SAP30BP: variants seen among roughly 807,000 people sequenced by gnomAD.
SAP30BP encodes SAP30-binding protein.
A neutral mutation model predicts 46.3 loss-of-function variants in SAP30BP; 31 were observed. The ratio of observed to expected loss-of-function variants is 0.67; its 90% CI spans 0.50 to 0.90. The LOEUF (loss-of-function observed/expected upper bound fraction) is 0.90. Among genes scored for constraint, SAP30BP ranks in the 40% least tolerant of loss-of-function variants. The pLI is 0.00. For synonymous variants in SAP30BP, 169 were observed against 144.2 expected, an observed-to-expected ratio of 1.17 and a Z score of -1.23; for missense variants, 312 against 391.0, an observed-to-expected ratio of 0.80 and a Z score of 1.70.
At chr17:75,705,095 T>C (rs1352761037) in intron 9 of SAP30BP, 5 of 430,390 alleles carry the variant, frequency 1.2e-5, no homozygotes, top group African/African-American at 4.0e-5. Context: ...TTTTGGGTCA[T>C]GGGGGCCCTT....
intron 3 of SAP30BP, among the ~76,000 whole-genome samples, chr17:75,686,921 G>A (rs183868907): frequency 1.1e-4 from 17 of 152,308 alleles, no homozygotes. Context: ...GGAACTTGGA[G>A]GTATTTTATA....
At chr17:75,701,765 T>C (rs145689281) in intron 5 of SAP30BP, among the ~76,000 whole-genome samples, 25 of 152,314 alleles carry the variant, frequency 1.6e-4, no homozygotes, top group African/African-American at 5.3e-4. Flanking sequence ...CATGTTAAAA[T>C]TGAAAACCAG....
chr17:75,704,682 G>A, intron 8 of SAP30BP, 74 bp from the exon 9 acceptor site: 2 of 1,104,990 alleles, frequency 1.8e-6, no homozygotes, highest in Non-Finnish European at 2.8e-6. Context: ...AAAGAACGCA[G>A]GGATCAGAGT....
intron 2 of SAP30BP, among the ~76,000 whole-genome samples, chr17:75,669,535 T>C (rs1291154849): frequency 2.0e-5 from 3 of 151,802 alleles, no homozygotes; most frequent in African/African-American, 7.3e-5. Flanking sequence ...GAGCCACTGC[T>C]CCTGGCCGAT....
intron 1 of SAP30BP, 79 bp downstream of exon 1, chr17:75,667,557 C>A: frequency 7.5e-7 from 1 of 1,330,554 alleles, no homozygotes; most frequent in South Asian, 1.2e-5. Context: ...CGGGAGGGAA[C>A]AAGATGGTCA....
intron 3 of SAP30BP, among the ~76,000 whole-genome samples, chr17:75,682,925 T>A (rs1389717407): frequency 1.5e-5 from 2 of 136,646 alleles, no homozygotes; most frequent in Non-Finnish European, 3.1e-5. Context: ...ATCACGCCAC[T>A]GCACTCTAGC....
At chr17:75,680,354 A>T (rs1426177837) in intron 3 of SAP30BP, among the ~76,000 whole-genome samples, 1 of 152,192 alleles carries the variant, frequency 6.6e-6, no homozygotes, top group Non-Finnish European at 1.5e-5. Flanking sequence ...AAATTCTAAG[A>T]TCCCTAAAGT....
At chr17:75,671,887 G>C (rs1236913438) in intron 3 of SAP30BP, 24 bp downstream of exon 3, 1 of 1,603,160 alleles carries the variant, frequency 6.2e-7, no homozygotes, top group Admixed American at 1.7e-5. Context: ...GCTGTGGTGG[G>C]TGGCTGGATG....
In SAP30BP at chr17:75,685,767, GAA is replaced by G. The variant is rs367771294; in HGVS notation, c.265-7669_265-7668del. 8.5e-5 allele frequency among the ~76,000 whole-genome samples: 13 copies of G among 152,256 alleles called. No homozygotes were observed. The East Asian group carries it at 1.4e-3, about 16-fold the overall frequency. ...CTGTTCTTGTGGGAAGCCTTGAAGG[GAA>G]AAAGCCTGTCCTGGCCTCACCACCA... On this transcript the variant is annotated intron_variant, in intron 3 of 10. Transcript: ENST00000584667.
intron 1 of SAP30BP, chr17:75,668,290 G>C (rs1013348842): frequency 1.9e-5 from 9 of 485,578 alleles, no homozygotes; most frequent in Non-Finnish European, 2.9e-5. Flanking sequence ...ACAGAATTTA[G>C]TACTCGGTTT....
chr17:75,668,369 A>G (rs917460264), intron 1 of SAP30BP, 147 bp from the exon 2 acceptor site: 18 of 553,468 alleles, frequency 3.3e-5, no homozygotes, highest in East Asian at 1.6e-4. Flanking sequence ...ATCTGGGCCT[A>G]TTGTAACTTA....
chr17:75,694,682 G>A (rs764914649), intron 4 of SAP30BP, among the ~76,000 whole-genome samples: 27 of 152,178 alleles, frequency 1.8e-4, no homozygotes, highest in Admixed American at 9.8e-4. Flanking sequence ...TCTTATCCCC[G>A]CCATCACCCG....
At chr17:75,689,951 A>G (rs1195707135) in intron 3 of SAP30BP, among the ~76,000 whole-genome samples, 2 of 152,138 alleles carry the variant, frequency 1.3e-5, no homozygotes, top group Non-Finnish European at 2.9e-5. Flanking sequence ...GGTGACTTCT[A>G]TCAATTAAAA....
intron 3 of SAP30BP, among the ~76,000 whole-genome samples, chr17:75,677,352 C>T (rs1599106997): frequency 6.6e-6 from 1 of 151,918 alleles, no homozygotes; most frequent in East Asian, 1.9e-4. Flanking sequence ...ATCTGCCCGC[C>T]TCAGCCTCCC....
chr17:75,697,939 G>A (rs956971969), intron 4 of SAP30BP, among the ~76,000 whole-genome samples: 1 of 152,218 alleles, frequency 6.6e-6, no homozygotes, highest in African/African-American at 2.4e-5. Flanking sequence ...GGGTTAGCTG[G>A]GGCCTGCACA....
intron 3 of SAP30BP, chr17:75,692,519 G>T: frequency 5.1e-6 from 5 of 985,446 alleles, no homozygotes; most frequent in Non-Finnish European, 6.0e-6. Flanking sequence ...CCAGAAATGG[G>T]GGAAACAGGT....
chr17:75,703,614 G>A lies in SAP30BP; in HGVS notation c.550-194G>A. 7.8e-6 allele frequency: 5 copies of A among 644,936 alleles called. No individual in the cohort carries two copies. In the Admixed American group the frequency reaches 1.3e-4, roughly 17 times the overall value. The allele number at this position is 644,936 out of a possible 1,614,324, so 40.0% of individuals were successfully genotyped here. ...ACATGTGTGGACCTGCTGCTCCTGG[G>A]GTTCGCTGGATGGGGGCTTCGTGCT... is the stretch of plus-strand genomic sequence containing the variant. On this transcript the variant is annotated intron_variant, in intron 7 of 10. Coordinates refer to ENST00000584667, the MANE Select transcript of SAP30BP (RefSeq NM_013260.8).
At chr17:75,682,310 G>A (rs771935248) in intron 3 of SAP30BP, among the ~76,000 whole-genome samples, 20 of 151,608 alleles carry the variant, frequency 1.3e-4, no homozygotes, top group Non-Finnish European at 2.5e-4. Flanking sequence ...TCAGCCTCTC[G>A]AGTAGCTGGG....
At chr17:75,696,437 G>A (rs902558549) in intron 4 of SAP30BP, among the ~76,000 whole-genome samples, 2 of 151,674 alleles carry the variant, frequency 1.3e-5, no homozygotes, top group African/African-American at 2.4e-5. Flanking sequence ...CAAGCTACCC[G>A]GGAGGCTGAG....
Sources: gnomAD v4.1 joint callset for allele counts (sites outside exome capture counted in the v4.1 genomes callset) on GRCh38, gnomAD v4.1.1 for gene constraint, MANE v1.5 for transcripts, NCBI Gene and HGNC (gene_info 2026-07-23, HGNC 2026-07-21) for gene names.